The following TULP4 variants were observed in gnomAD, a reference collection of about 807,000 sequenced individuals.
TULP4 encodes tubby-related protein 4.
Under a neutral mutation model 129.0 loss-of-function variants are expected in TULP4, and 16 were observed. The ratio of observed to expected loss-of-function variants is 0.12; its 90% CI spans 0.08 to 0.19. The LOEUF (loss-of-function observed/expected upper bound fraction) is 0.19. TULP4 is among the 10% of genes least tolerant of loss of function. The probability of loss-of-function intolerance (pLI) is 1.00; values close to 1 mark genes in which losing one functional copy is unlikely to be tolerated. For synonymous variants in TULP4, 998 were observed against 854.0 expected, an observed-to-expected ratio of 1.17 and a Z score of -2.94; for missense variants, 1,842 against 2,059.1, an observed-to-expected ratio of 0.89 and a Z score of 2.04.
chr6:158,322,475 T>C (rs1318925061), intron 1 of TULP4, among the ~76,000 whole-genome samples: 1 of 152,160 alleles, frequency 6.6e-6, no homozygotes, highest in Non-Finnish European at 1.5e-5. Flanking sequence ...CCTGAGATAA[T>C]ATGTTTTTGG....
chr6:158,232,508 C>T (rs1421871250), intron 1 of TULP4, among the ~76,000 whole-genome samples: 4 of 151,036 alleles, frequency 2.6e-5, no homozygotes, highest in Non-Finnish European at 5.9e-5. Context: ...GGGCGTCTGA[C>T]CCGGGCCCGG....
chr6:158,394,681 G>T (rs1455722825), intron 1 of TULP4, among the ~76,000 whole-genome samples: 1 of 150,784 alleles, frequency 6.6e-6, no homozygotes, highest in Admixed American at 6.6e-5. Flanking sequence ...CAGCTGCTTG[G>T]GAGGCTGAGG....
intron 6 of TULP4, among the ~76,000 whole-genome samples, chr6:158,464,997 T>C (rs1398654542): frequency 4.6e-5 from 7 of 152,220 alleles, no homozygotes; most frequent in Admixed American, 6.5e-5. Context: ...AACGTGATGG[T>C]ATGTCATAAT....
At chr6:158,498,884 C>T in intron 12 of TULP4, 72 bp downstream of exon 12, 4 of 1,569,462 alleles carry the variant, frequency 2.5e-6, no homozygotes, top group African/African-American at 1.4e-5. Context: ...GACAGAGCGG[C>T]AAGTTGTTGA....
At chr6:158,491,971 G>A (rs144151649) in intron 9 of TULP4, among the ~76,000 whole-genome samples, 119 of 152,188 alleles carry the variant, frequency 7.8e-4, no homozygotes, top group African/African-American at 2.7e-3. Context: ...TGACTCTCCT[G>A]CTTCAGCCTC....
intron 1 of TULP4, among the ~76,000 whole-genome samples, chr6:158,250,293 G>A (rs1778115776): frequency 6.6e-6 from 1 of 152,094 alleles, no homozygotes; most frequent in South Asian, 2.1e-4. Flanking sequence ...GAGCAGCTGG[G>A]ACTACAGGCG....
intron 12 of TULP4, among the ~76,000 whole-genome samples, chr6:158,499,927 G>A (rs1211150582): frequency 1.3e-5 from 2 of 152,166 alleles, no homozygotes; most frequent in Non-Finnish European, 2.9e-5. Flanking sequence ...CTGCATGGGT[G>A]AGCAAATCTC....
At position 158,323,661 on chromosome 6, in the gene TULP4, G is replaced by A. The variant is rs562873823; in HGVS notation, c.252+9393G>A. ...GTTGGTGGAGAAAAGCCCTCCTTGG[G>A]ATCATCTGTAGCTGGTAATAGGGAC... On this transcript the variant is annotated intron_variant, in intron 1 of 13. Coordinates refer to ENST00000367097, the MANE Select transcript of TULP4 (RefSeq NM_020245.5). Among the ~76,000 whole-genome samples, 9 of 152,318 alleles carry A rather than the reference G, an allele frequency of 5.9e-5. No individual in the cohort carries two copies. The South Asian group carries it at 1.9e-3, about 32-fold the overall frequency.
chr6:158,305,290 C>T (rs886720792), intron 1 of TULP4, among the ~76,000 whole-genome samples: 1 of 149,444 alleles, frequency 6.7e-6, no homozygotes, highest in East Asian at 2.0e-4. Flanking sequence ...AATTACTCTC[C>T]CTTTTAAGGC....
chr6:158,335,111 A>T (rs1345251655), intron 1 of TULP4, among the ~76,000 whole-genome samples: 1 of 152,052 alleles, frequency 6.6e-6, no homozygotes, highest in Non-Finnish European at 1.5e-5. Context: ...CCCGGTCTCT[A>T]CTAAAAATAC....
chr6:158,460,676 A>T (rs1326332741), intron 5 of TULP4, among the ~76,000 whole-genome samples: 3 of 152,230 alleles, frequency 2.0e-5, no homozygotes, highest in Non-Finnish European at 2.9e-5. Context: ...GCCCCACAAC[A>T]TCATCAAATG....
chr6:158,504,599 G>A (rs1780555726), intron 13 of TULP4, among the ~76,000 whole-genome samples: 1 of 149,916 alleles, frequency 6.7e-6, no homozygotes, highest in African/African-American at 2.5e-5. Context: ...CTCGTGATCT[G>A]CCCGCCTTGG....
At chr6:158,306,771 T>C (rs1429051818) in intron 1 of TULP4, among the ~76,000 whole-genome samples, 1 of 152,178 alleles carries the variant, frequency 6.6e-6, no homozygotes, top group Non-Finnish European at 1.5e-5. Context: ...TAATCCCAGC[T>C]ACTTCAGGAG....
intron 1 of TULP4, among the ~76,000 whole-genome samples, chr6:158,284,893 A>G (rs1778810497): frequency 6.6e-6 from 1 of 152,180 alleles, no homozygotes; most frequent in South Asian, 2.1e-4. Context: ...TACCTACCTC[A>G]CAGGGTTTCT....
chr6:158,488,903 T>G (rs1318784447), intron 8 of TULP4, among the ~76,000 whole-genome samples: 1 of 152,024 alleles, frequency 6.6e-6, no homozygotes. Flanking sequence ...CCCCACAGTT[T>G]TGCCATCATC....
At chr6:158,297,522 TAGG>T (rs1779055656) in intron 1 of TULP4, among the ~76,000 whole-genome samples, 1 of 152,150 alleles carries the variant, frequency 6.6e-6, no homozygotes, top group Admixed American at 6.5e-5. Flanking sequence ...AGAGTATTAT[TAGG>T]GAAGTGATAA....
rs1338705878 is a variant in TULP4, at chr6:158,501,918, A to T, written c.2255A>T (p.Asn752Ile). The T allele has an allele frequency of 6.2e-7, 1 of 1,614,076 alleles. No homozygotes were observed. Among genetic ancestry groups the T allele is most frequent in the Non-Finnish European group, 8.5e-7 (1 of 1,179,988 alleles). Reference protein sequence around the residue: ...TQYPVSNRYSNPGQVIFGSVE... With the variant: ...TQYPVSNRYSIPGQVIFGSVE... ...TACCCAGTCTCCAACCGGTACTCCA[A>T]TCCTGGACAGGTGATTTTCGGAAGC... The change falls in exon 13 of 14, where the codon AAT (asparagine) becomes ATT (isoleucine). Residue 752 changes from asparagine to isoleucine, a missense_variant. This residue lies in a region of TULP4 where 1,089 missense variants were observed against 987.1 expected (regional missense o/e 1.10). Transcript: ENST00000367097.
At chr6:158,373,482 C>T (rs1449010724) in intron 1 of TULP4, among the ~76,000 whole-genome samples, 2 of 152,178 alleles carry the variant, frequency 1.3e-5, no homozygotes, top group African/African-American at 2.4e-5. Flanking sequence ...AATCAGTCAT[C>T]GTCGTCATCG....
At chr6:158,294,723 T>A (rs827872) in intron 1 of TULP4, among the ~76,000 whole-genome samples, 20,222 of 152,120 alleles carry the variant, frequency 0.13, 1,701 homozygotes, top group African/African-American at 0.23. Flanking sequence ...TCTTTTTTCT[T>A]CTTTCTTCTT....
Sources: allele counts gnomAD v4.1 joint callset (sites outside exome capture counted in the v4.1 genomes callset), GRCh38; gene constraint gnomAD v4.1.1; regional missense constraint gnomAD v4.1.1; transcripts MANE v1.5; gene names NCBI Gene and HGNC (gene_info 2026-07-23, HGNC 2026-07-21).